Variants in ABHD2 observed in about 807,000 individuals in gnomAD.
The protein encoded by ABHD2 is abhydrolase domain containing 2, acylglycerol lipase.
In ABHD2, 20 loss-of-function variants were observed where a neutral mutation model predicts 48.1. The ratio of observed to expected loss-of-function variants is 0.42; its 90% CI spans 0.29 to 0.60. The LOEUF (loss-of-function observed/expected upper bound fraction) is 0.60. Among genes scored for constraint, ABHD2 ranks in the 20% least tolerant of loss-of-function variants. The probability of loss-of-function intolerance (pLI) is 0.24; values close to 1 mark genes in which losing one functional copy is unlikely to be tolerated. For synonymous variants in ABHD2, 209 were observed against 214.2 expected, an observed-to-expected ratio of 0.98 and a Z score of 0.21; for missense variants, 405 against 550.9, an observed-to-expected ratio of 0.74 and a Z score of 2.65.
rs1348828287 is a variant in ABHD2, at chr15:89,182,856, G to A, written c.723-2568G>A. On this transcript the variant is annotated intron_variant, in intron 6 of 10. Coordinates refer to ENST00000352732, the MANE Select transcript of ABHD2 (RefSeq NM_152924.5). The surrounding 1 kb of genome is among the most constrained non-coding windows in gnomAD (Gnocchi z 4.8). ...AAGGTATTTGTGCAGTGTCTAGAGA[G>A]CTAAACTCCCCTGGTTTCGTGCCCA... 6.6e-6 allele frequency among the ~76,000 whole-genome samples: 1 copy of A among 152,142 alleles called. No homozygotes were observed. Among genetic ancestry groups the A allele is most frequent in the East Asian group, 1.9e-4 (1 of 5,190 alleles).
intron 1 of ABHD2, among the ~76,000 whole-genome samples, chr15:89,089,952 T>C (rs1596052492): frequency 6.6e-6 from 1 of 152,264 alleles, no homozygotes; most frequent in Non-Finnish European, 1.5e-5. Flanking sequence ...TAAGTCTAAT[T>C]AGGTGGACTC....
chr15:89,096,556 C>T (rs1306639432), intron 1 of ABHD2, among the ~76,000 whole-genome samples: 7 of 152,168 alleles, frequency 4.6e-5, no homozygotes, highest in Non-Finnish European at 7.3e-5. Flanking sequence ...ACAGAGGTTT[C>T]CAGTCATGTT....
rs1363919337 is a variant in ABHD2 at position 89,091,378 on chromosome 15, T to C, written c.-107+2815T>C. On this transcript the variant is annotated intron_variant, in intron 1 of 10. Transcript: ENST00000352732. This position sits in a 1 kb window ranked among gnomAD's most constrained non-coding sequence, Gnocchi z 5.5. ...TCTGAATTTCGGTTTTTGTTTAAGC[T>C]GTTCTAGAGATCAGCCATTTTAGAA... Among the ~76,000 whole-genome samples, 1 of 152,242 alleles carries C rather than the reference T, an allele frequency of 6.6e-6. No individual in the cohort carries two copies. Among genetic ancestry groups the C allele is most frequent in the Non-Finnish European group, 1.5e-5 (1 of 68,046 alleles).
At chr15:89,078,577 C>T in the ABHD2 span, among the ~76,000 whole-genome samples, 3 of 152,136 alleles carry the variant, frequency 2.0e-5, no homozygotes, top group Admixed American at 1.3e-4. Flanking sequence ...TATGTGATAA[C>T]GGAAGGCCAT....
rs1409603541 is a variant in ABHD2 at position 89,185,798 on chromosome 15, A to G, written c.815+282A>G. ...AGCCTGGCCAACATGGCGAAACCCCATCTCTACCAAAAATACAAAAATTAG... is the reference window on the plus strand; with the variant it reads ...AGCCTGGCCAACATGGCGAAACCCCGTCTCTACCAAAAATACAAAAATTAG... On this transcript the variant is annotated intron_variant, in intron 7 of 10. Transcript: ENST00000352732. This position sits in a 1 kb window ranked among gnomAD's most constrained non-coding sequence, Gnocchi z 5.9. 6.6e-6 allele frequency among the ~76,000 whole-genome samples: 1 copy of G among 152,106 alleles called. No individual in the cohort carries two copies. The highest frequency in any genetic ancestry group is 2.4e-5 in the African/African-American group (1 of 41,434).
the ABHD2 span, among the ~76,000 whole-genome samples, chr15:89,074,730 CAAAGA>C: frequency 6.6e-6 from 1 of 152,190 alleles, no homozygotes; most frequent in Non-Finnish European, 1.5e-5. Flanking sequence ...CCCTCCCCAA[CAAAGA>C]AAAGAACCTA....
the ABHD2 span, among the ~76,000 whole-genome samples, chr15:89,074,730 CA>C: frequency 6.6e-6 from 1 of 152,190 alleles, no homozygotes; most frequent in Non-Finnish European, 1.5e-5. Flanking sequence ...CCCTCCCCAA[CA>C]AAGAAAAGAA....
At chr15:89,083,234 A>C (rs755161880), upstream of ABHD2, among the ~76,000 whole-genome samples, 1 of 152,184 alleles carries the variant, frequency 6.6e-6, no homozygotes, top group Non-Finnish European at 1.5e-5. This position sits in a 1 kb window ranked among gnomAD's most constrained non-coding sequence, Gnocchi z 5.1. Context: ...AAATAGTTTT[A>C]AAATAGCTCA....
chr15:89,107,059 G>A, intron 1 of ABHD2, among the ~76,000 whole-genome samples: 1 of 152,072 alleles, frequency 6.6e-6, no homozygotes, highest in East Asian at 1.9e-4. Context: ...CAGTTTGCTG[G>A]GAGATCCAGG....
Position 89,168,801 on chromosome 15 carries a change from G to A in ABHD2, c.539-7011G>A, listed in dbSNP as rs960333500. ...CTAAAAGGAATCAAAGCTGGGTGCAGTGGCTCACACCTGTAATCTCAGCAC... is the reference window on the plus strand; with the variant it reads ...CTAAAAGGAATCAAAGCTGGGTGCAATGGCTCACACCTGTAATCTCAGCAC... On this transcript the variant is annotated intron_variant, in intron 5 of 10. Transcript: ENST00000352732. This position sits in a 1 kb window ranked among gnomAD's most constrained non-coding sequence, Gnocchi z 4.8. Among the ~76,000 whole-genome samples, 8 of 152,210 alleles carry A rather than the reference G, an allele frequency of 5.3e-5. No individual in the cohort carries two copies. The highest frequency in any genetic ancestry group is 1.7e-4 in the African/African-American group (7 of 41,442).
chr15:89,042,406 C>A, the ABHD2 span, among the ~76,000 whole-genome samples: 1 of 152,144 alleles, frequency 6.6e-6, no homozygotes, highest in Non-Finnish European at 1.5e-5. Context: ...AGCACATGCT[C>A]CAAGTACACC....
chr15:89,060,936 G>A, the ABHD2 span, among the ~76,000 whole-genome samples: 1 of 151,916 alleles, frequency 6.6e-6, no homozygotes, highest in African/African-American at 2.4e-5. Flanking sequence ...GTCCTTTGCA[G>A]CAACAGGAAT....
At chr15:89,170,657 C>T (rs2050910679) in intron 5 of ABHD2, among the ~76,000 whole-genome samples, 1 of 152,192 alleles carries the variant, frequency 6.6e-6, no homozygotes, top group South Asian at 2.1e-4. Flanking sequence ...ACTCCCTCAA[C>T]AGTGGATGGA....
rs1371184863 is a variant in ABHD2 at position 89,181,237 on chromosome 15, A to AAAAC, written c.723-4184_723-4183insCAAA. 2.1e-3 allele frequency among the ~76,000 whole-genome samples: 324 copies of AAAAC among 151,206 alleles called. 3 individuals are homozygous for AAAAC. The highest frequency in any genetic ancestry group is 3.5e-3 in the Non-Finnish European group (236 of 67,710). Reference sequence around the variant, plus strand: ...GAGCGAGACTCTGTCTCAAAAAAAAAAAAAAAAAAAAAACAAGATGGTAAA... The same window carrying AAAAC: ...GAGCGAGACTCTGTCTCAAAAAAAAAAAACAAAAAAAAAAAAACAAGATGGTAAA... On this transcript the variant is annotated intron_variant, in intron 6 of 10. Coordinates refer to ENST00000352732, the MANE Select transcript of ABHD2 (RefSeq NM_152924.5).
the ABHD2 span, among the ~76,000 whole-genome samples, chr15:89,054,323 A>C: frequency 3.3e-4 from 1 of 3,016 alleles, no homozygotes; most frequent in Non-Finnish European, 7.0e-4. Context: ...CTCTGTCTCA[A>C]AAAAAAAAAA....
In ABHD2 at chr15:89,177,524, C is replaced by T. The variant is rs2051035211; in HGVS notation, c.722+1529C>T. Reference sequence around the variant, plus strand: ...AGAAGTCTGCATTTTGGATACATTTCATAGGCGAGTTTTCAGTTTAGTTAC... The same window carrying T: ...AGAAGTCTGCATTTTGGATACATTTTATAGGCGAGTTTTCAGTTTAGTTAC... On this transcript the variant is annotated intron_variant, in intron 6 of 10. Coordinates refer to ENST00000352732, the MANE Select transcript of ABHD2 (RefSeq NM_152924.5). This position sits in a 1 kb window ranked among gnomAD's most constrained non-coding sequence, Gnocchi z 5.6. Among the ~76,000 whole-genome samples, 1 of 152,170 alleles carries T rather than the reference C, an allele frequency of 6.6e-6. No individual in the cohort carries two copies. Among genetic ancestry groups the T allele is most frequent in the African/African-American group, 2.4e-5 (1 of 41,436 alleles).
At chr15:89,143,742 G>A (rs1447847804) in intron 3 of ABHD2, among the ~76,000 whole-genome samples, 2 of 151,848 alleles carry the variant, frequency 1.3e-5, no homozygotes, top group Non-Finnish European at 2.9e-5. Flanking sequence ...TAGAGATAGA[G>A]TAGAAGGAAA....
the ABHD2 span, among the ~76,000 whole-genome samples, chr15:89,050,887 C>G: frequency 6.6e-6 from 1 of 151,964 alleles, no homozygotes; most frequent in African/African-American, 2.4e-5. Context: ...GAATGATCTA[C>G]TGAGCATCTG....
At position 89,166,027 on chromosome 15, in the gene ABHD2, C is replaced by G. The variant is rs1023437520; in HGVS notation, c.539-9785C>G. Among the ~76,000 whole-genome samples, 5 of 152,290 alleles carry G rather than the reference C, an allele frequency of 3.3e-5. No individual in the cohort carries two copies. The highest frequency in any genetic ancestry group is 6.8e-3 in the Middle Eastern group (2 of 294). On this transcript the variant is annotated intron_variant, in intron 5 of 10. Transcript: ENST00000352732. This position sits in a 1 kb window ranked among gnomAD's most constrained non-coding sequence, Gnocchi z 4.6. ...TTCCAGCTTGTGCTTATTCTGGCCT[C>G]CATATCATACCTTCATATCTTGAAA...
Sources: allele counts gnomAD v4.1 joint callset (sites outside exome capture counted in the v4.1 genomes callset), GRCh38; gene constraint gnomAD v4.1.1; non-coding constraint Gnocchi (gnomAD v3.1); transcripts MANE v1.5; gene names NCBI Gene and HGNC (gene_info 2026-07-23, HGNC 2026-07-21).